ADAMTS19: variants seen among roughly 807,000 people sequenced by gnomAD.
ADAMTS19 encodes ADAM metallopeptidase with thrombospondin type 1 motif 19, also known as A disintegrin and metalloproteinase with thrombospondin motifs 19.
Under a neutral mutation model 153.3 loss-of-function variants are expected in ADAMTS19, and 93 were observed. That is an observed-to-expected ratio of 0.61 (90% confidence interval 0.51 to 0.72). The LOEUF (loss-of-function observed/expected upper bound fraction) is 0.72, where lower values mean the gene tolerates loss of function less well. Ranked by LOEUF, ADAMTS19 falls within the 30% of genes least tolerant of loss-of-function variation. The pLI, the probability that ADAMTS19 is intolerant of heterozygous loss-of-function variation, is 0.00. For synonymous variants in ADAMTS19, 600 were observed against 556.6 expected (o/e 1.08, Z -1.10); for missense variants, 1,482 against 1,552.1 (o/e 0.95, Z 0.76).
chr5:129,610,689 C>T lies in ADAMTS19; in HGVS notation c.1479-9929C>T, dbSNP rs568784324. ...CACATTTTCTTAATCCAATCTATCA[C>T]TGTTGGACATTTGGGTTGGTTCCAA... On this transcript the variant is annotated intron_variant, in intron 8 of 22. Coordinates refer to ENST00000274487, the MANE Select transcript of ADAMTS19 (RefSeq NM_133638.6). 2.9e-3 allele frequency among the ~76,000 whole-genome samples: 436 copies of T among 152,042 alleles called. 3 individuals are homozygous for T. Among genetic ancestry groups the T allele is most frequent in the African/African-American group, 0.01 (429 of 41,390 alleles).
At chr5:129,480,666 A>G (rs1391325649) in intron 2 of ADAMTS19, among the ~76,000 whole-genome samples, 1 of 152,188 alleles carries the variant, frequency 6.6e-6, no homozygotes, top group Non-Finnish European at 1.5e-5. Context: ...TCATTAAGAA[A>G]GAAATAAAGG....
chr5:129,523,649 AT>A (rs1312063084), intron 3 of ADAMTS19, among the ~76,000 whole-genome samples: 3 of 152,194 alleles, frequency 2.0e-5, no homozygotes, highest in African/African-American at 7.2e-5. Context: ...CATACAGGAA[AT>A]TGCAGAAACA....
intron 6 of ADAMTS19, among the ~76,000 whole-genome samples, chr5:129,540,511 A>G (rs1259660238): frequency 1.3e-5 from 2 of 152,022 alleles, no homozygotes; most frequent in East Asian, 1.9e-4. Context: ...TTAAAATTCA[A>G]TTTTATTAAT....
chr5:129,536,006 G>A (rs1581053386), intron 6 of ADAMTS19, among the ~76,000 whole-genome samples: 1 of 152,108 alleles, frequency 6.6e-6, no homozygotes, highest in Non-Finnish European at 1.5e-5. Flanking sequence ...GCATGGGCAA[G>A]GACTTCATGT....
intron 18 of ADAMTS19, among the ~76,000 whole-genome samples, chr5:129,691,015 A>G (rs1471953900): frequency 6.6e-6 from 1 of 152,158 alleles, no homozygotes; most frequent in Non-Finnish European, 1.5e-5. Context: ...TGCAAGTTCT[A>G]GTAATGTGAG....
chr5:129,528,994 G>T (rs1299236705), intron 6 of ADAMTS19, among the ~76,000 whole-genome samples: 1 of 151,932 alleles, frequency 6.6e-6, no homozygotes, highest in African/African-American at 2.4e-5. Context: ...AATTATGAAC[G>T]TAGACTGTAT....
intron 2 of ADAMTS19, among the ~76,000 whole-genome samples, chr5:129,483,080 G>A (rs1368106898): frequency 6.6e-6 from 1 of 151,996 alleles, no homozygotes; most frequent in African/African-American, 2.4e-5. Context: ...TTTATTAGCT[G>A]TATACACTAC....
chr5:129,653,849 CA>C, intron 13 of ADAMTS19, among the ~76,000 whole-genome samples: 1 of 152,146 alleles, frequency 6.6e-6, no homozygotes, highest in Non-Finnish European at 1.5e-5. Context: ...TAAATACTAG[CA>C]CATTGAAATT....
chr5:129,608,410 G>A (rs2126947158), intron 8 of ADAMTS19, among the ~76,000 whole-genome samples: 1 of 151,762 alleles, frequency 6.6e-6, no homozygotes, highest in African/African-American at 2.4e-5. Context: ...AAGTACTGGA[G>A]GCCTAATGTA....
At position 129,738,556 on chromosome 5, in the gene ADAMTS19, T is replaced by C. The variant is rs956619846; in HGVS notation, c.*1338T>C. 6.6e-6 allele frequency: 1 copy of C among 152,028 alleles called. No individual in the cohort carries two copies. The highest frequency in any genetic ancestry group is 2.4e-5 in the African/African-American group (1 of 41,416). The allele number at this position is 152,028 out of a possible 1,614,324, so 9.4% of individuals were successfully genotyped here. On this transcript the variant is annotated 3_prime_UTR_variant, in exon 23 of 23. Transcript: ENST00000274487. ...CTTTACTATAAGACAATCCAATGTA[T>C]GTTCTGAGGTCACCTGGCTCTCTTC...
intron 20 of ADAMTS19, among the ~76,000 whole-genome samples, chr5:129,702,941 A>AATATATATATATATATATATATAT (rs59614056): frequency 6.2e-4 from 18 of 29,188 alleles, no homozygotes; most frequent in Non-Finnish European, 7.8e-4. Context: ...AAAAAAAAAA[A>AATATATATATATATATATATATAT]ATATATATAT....
At chr5:129,696,872 A>G (rs1187000227) in intron 19 of ADAMTS19, among the ~76,000 whole-genome samples, 1 of 152,088 alleles carries the variant, frequency 6.6e-6, no homozygotes, top group Non-Finnish European at 1.5e-5. Flanking sequence ...TATGTAGATG[A>G]AGTCTCATAG....
chr5:129,461,276 T>A lies in ADAMTS19; in HGVS notation c.266T>A (p.Val89Glu). Reference protein sequence around the residue: ...RAQAAGSSREVRSVAPVPLEE... With the variant: ...RAQAAGSSREERSVAPVPLEE... Reference sequence around the variant, plus strand: ...CAGGCTGCCGGCAGCTCACGCGAGGTGCGCTCTGTGGCTCCGGTGCCTTTG... The same window carrying A: ...CAGGCTGCCGGCAGCTCACGCGAGGAGCGCTCTGTGGCTCCGGTGCCTTTG... The change falls in exon 2 of 23, where the codon GTG becomes GAG. Residue 89 changes from valine (V) to glutamate (E), a missense_variant. Physicochemically the swap from Val to Glu is moderately radical, Grantham distance 121. Around this residue, in one of 2 missense-constraint regions of ADAMTS19, gnomAD observed 866 missense variants for 827.7 expected, o/e 1.05. Transcript: ENST00000274487. This position sits in a 1 kb window ranked among gnomAD's most constrained non-coding sequence, Gnocchi z 4.6. 7.8e-7 allele frequency: 1 copy of A among 1,276,982 alleles called. No homozygotes were observed. The highest frequency in any genetic ancestry group is 9.8e-7 in the Non-Finnish European group (1 of 1,017,732). 79.1% of individuals were successfully genotyped at this position (1,276,982 alleles called of 1,614,324 possible).
At chr5:129,719,946 G>A (rs1371235921) in intron 21 of ADAMTS19, among the ~76,000 whole-genome samples, 4 of 151,886 alleles carry the variant, frequency 2.6e-5, no homozygotes, top group East Asian at 1.9e-4. Flanking sequence ...AGGCTGAAGC[G>A]GGAGAATCAC....
At position 129,622,229 on chromosome 5, in the gene ADAMTS19, A is replaced by C; in HGVS notation, c.1651A>C (p.Asn551His). The change falls in exon 10 of 23, where the codon AAT becomes CAT. Residue 551 changes from asparagine to histidine, a missense_variant. Transcript: ENST00000274487. ...SKASNCLLQT[N>H]PQSVNSVMVP... Reference sequence around the variant, plus strand: ...GGCCAGTAACTGCTTGCTACAAACAAATCCGCAGAGTGTCAATTCTGTGAT... The same window carrying C: ...GGCCAGTAACTGCTTGCTACAAACACATCCGCAGAGTGTCAATTCTGTGAT... 1 of 1,614,126 alleles carries C rather than the reference A, an allele frequency of 6.2e-7. No individual in the cohort carries two copies. The highest frequency in any genetic ancestry group is 8.5e-7 in the Non-Finnish European group (1 of 1,180,004).
intron 2 of ADAMTS19, among the ~76,000 whole-genome samples, chr5:129,476,491 C>T (rs1439755924): frequency 2.6e-5 from 4 of 152,006 alleles, no homozygotes; most frequent in Non-Finnish European, 5.9e-5. Flanking sequence ...TGAACAAAAC[C>T]CAAACTAATC....
intron 10 of ADAMTS19, among the ~76,000 whole-genome samples, chr5:129,640,091 AAATAT>A (rs1752726571): frequency 6.6e-6 from 1 of 152,178 alleles, no homozygotes; most frequent in Non-Finnish European, 1.5e-5. Flanking sequence ...ACCATATCCT[AAATAT>A]AATAAGATAT....
chr5:129,530,466 G>T (rs956121493), intron 6 of ADAMTS19, among the ~76,000 whole-genome samples: 1 of 152,186 alleles, frequency 6.6e-6, no homozygotes, highest in Non-Finnish European at 1.5e-5. Context: ...AGTGGGTTGA[G>T]CGTTGTGGGG....
At chr5:129,696,774 G>A (rs753152703) in intron 19 of ADAMTS19, among the ~76,000 whole-genome samples, 2 of 152,178 alleles carry the variant, frequency 1.3e-5, no homozygotes, top group Admixed American at 1.3e-4. Context: ...GCTATTGGTT[G>A]AGGGTTAAAT....
Sources: allele counts gnomAD v4.1 joint callset (sites outside exome capture counted in the v4.1 genomes callset), GRCh38; gene constraint gnomAD v4.1.1; regional missense constraint gnomAD v4.1.1; non-coding constraint Gnocchi (gnomAD v3.1); transcripts MANE v1.5; gene names NCBI Gene and HGNC (gene_info 2026-07-23, HGNC 2026-07-21).